The following ESRP1 variants were observed in gnomAD, a reference collection of about 807,000 sequenced individuals.
ESRP1 encodes RNA-binding motif protein 35A.
In ESRP1, 33 loss-of-function variants were observed where a neutral mutation model predicts 81.7. That is an observed-to-expected ratio of 0.40 (90% CI 0.31 to 0.54). ESRP1 has a LOEUF of 0.54. Among genes scored for constraint, ESRP1 ranks in the 20% least tolerant of loss-of-function variants. The probability of loss-of-function intolerance (pLI) is 0.41; values close to 1 mark genes in which losing one functional copy is unlikely to be tolerated. For missense variants in ESRP1, 672 were observed against 833.1 expected, an observed-to-expected ratio of 0.81 and a Z score of 2.38; for synonymous variants, 320 against 303.3, an observed-to-expected ratio of 1.06 and a Z score of -0.57.
rs1808730965 is a variant in ESRP1 at position 94,678,462 on chromosome 8, C to T, written c.1820+91C>T. ...GAGCTCACAAAAGAATATTGTCTGC[C>T]ATGTTGAAGGTTAGCGTGGCAGGCC... On this transcript the variant is annotated intron_variant, in intron 13 of 15. Coordinates refer to ENST00000433389, the MANE Select transcript of ESRP1 (RefSeq NM_017697.4). The T allele has an allele frequency of 6.2e-6, 9 of 1,456,220 alleles. No individual in the cohort carries two copies. In the South Asian group the frequency reaches 9.4e-5, roughly 15 times the overall value. The allele number at this position is 1,456,220 out of a possible 1,614,324, so 90.2% of individuals were successfully genotyped here.
chr8:94,653,500 G>A (rs1818252411), intron 4 of ESRP1, among the ~76,000 whole-genome samples: 1 of 152,280 alleles, frequency 6.6e-6, no homozygotes, highest in South Asian at 2.1e-4. Context: ...ACCCCACCAG[G>A]TTGTCGGGTG....
intron 12 of ESRP1, among the ~76,000 whole-genome samples, 192 bp from the exon 13 acceptor site, chr8:94,678,011 T>C (rs1055827592): frequency 3.9e-5 from 6 of 152,316 alleles, no homozygotes; most frequent in African/African-American, 1.4e-4. Flanking sequence ...GTTTTTTAGG[T>C]TGACAGGGTG....
At chr8:94,669,694 C>A (rs1819209880) in intron 10 of ESRP1, among the ~76,000 whole-genome samples, 3 of 151,778 alleles carry the variant, frequency 2.0e-5, no homozygotes, top group African/African-American at 7.3e-5. Context: ...GGTGAAACTC[C>A]ATCTCTGCTG....
chr8:94,698,915 G>C (rs775073932), intron 15 of ESRP1, among the ~76,000 whole-genome samples: 4 of 152,154 alleles, frequency 2.6e-5, no homozygotes, highest in Non-Finnish European at 5.9e-5. Flanking sequence ...TGAGGTTTCA[G>C]TATATCTTGG....
At chr8:94,704,547 C>G (rs1038722350) in intron 15 of ESRP1, among the ~76,000 whole-genome samples, 3 of 151,918 alleles carry the variant, frequency 2.0e-5, no homozygotes, top group Non-Finnish European at 2.9e-5. Flanking sequence ...GAGGATTGCT[C>G]GAGGCCTGGA....
In ESRP1 at chr8:94,696,853, ATGCAAC is replaced by A; in HGVS notation, c.1974_1979del (p.Ala659_Thr660del). 1 of 1,580,800 alleles carries A rather than the reference ATGCAAC, an allele frequency of 6.3e-7. No homozygotes were observed. The highest frequency in any genetic ancestry group is 1.2e-5 in the South Asian group (1 of 84,894). ...TGTTTGTTTTAACTTGCATTTTAGT[ATGCAAC>A]CGAGGATGGACTTATACACACAAAT... On this transcript the variant is annotated inframe_deletion and splice_region_variant, in exon 15 of 16. Transcript: ENST00000433389.
intron 15 of ESRP1, among the ~76,000 whole-genome samples, chr8:94,701,714 G>A (rs1563553052): frequency 6.6e-6 from 1 of 152,084 alleles, no homozygotes; most frequent in Admixed American, 6.5e-5. Flanking sequence ...CCAAAGGGCT[G>A]GGATACCGGC....
chr8:94,672,550 TG>T (rs202245376), intron 11 of ESRP1, among the ~76,000 whole-genome samples: 1 of 150,940 alleles, frequency 6.6e-6, no homozygotes, highest in African/African-American at 2.5e-5. Context: ...TTTTTTTTTT[TG>T]AGACAGAGTC....
chr8:94,684,752 T>C (rs1209989680), intron 13 of ESRP1, among the ~76,000 whole-genome samples: 1 of 152,206 alleles, frequency 6.6e-6, no homozygotes, highest in Admixed American at 6.5e-5. Context: ...GCCTCTCTTT[T>C]TTAGTGAAAT....
At chr8:94,675,248 C>T (rs963063359) in intron 12 of ESRP1, among the ~76,000 whole-genome samples, 3 of 152,120 alleles carry the variant, frequency 2.0e-5, no homozygotes, top group Admixed American at 6.6e-5. Flanking sequence ...ACAATTTTTC[C>T]TTTAAATAAG....
intron 4 of ESRP1, among the ~76,000 whole-genome samples, chr8:94,647,975 T>G (rs1475754602): frequency 6.6e-6 from 1 of 152,106 alleles, no homozygotes. Flanking sequence ...AGAACCCATC[T>G]CTACAAAAAG....
chr8:94,641,792 G>T, intron 1 of ESRP1, 164 bp from the exon 2 acceptor site: 1 of 1,058,228 alleles, frequency 9.4e-7, no homozygotes, highest in Non-Finnish European at 1.3e-6. Flanking sequence ...GGGGTGGGGC[G>T]GGGGGCAGGA....
chr8:94,645,067 G>A (rs1475181261), intron 3 of ESRP1, among the ~76,000 whole-genome samples: 6 of 152,146 alleles, frequency 3.9e-5, no homozygotes, highest in Non-Finnish European at 5.9e-5. Context: ...TGTTGAACAT[G>A]TGAGTTATTG....
rs568503850 is a variant in ESRP1 at position 94,671,665 on chromosome 8, T to C, written c.1446T>C (p.Asn482=). 15 of 1,613,464 alleles carry C rather than the reference T, an allele frequency of 9.3e-6. No homozygotes were observed. The African/African-American group carries it at 1.9e-4, about 20-fold the overall frequency. The change falls in exon 11 of 16, where the codon AAT becomes AAC. Residue 482 remains asparagine, a synonymous_variant. Transcript: ENST00000433389. The part of the protein sequence containing the change: ...IRTHGVHMVL[N]HQGRPSGDAF... ...CTCATGGGGTTCACATGGTTTTGAA[T>C]CACCAGGTAAGAAAGATACTTAGTG...
At chr8:94,672,691 C>G (rs976124274) in intron 11 of ESRP1, among the ~76,000 whole-genome samples, 3 of 152,132 alleles carry the variant, frequency 2.0e-5, no homozygotes, top group Admixed American at 1.3e-4. Flanking sequence ...CACCACCATT[C>G]CCGGCTAATT....
chr8:94,697,173 G>C (rs1281335187), intron 15 of ESRP1, among the ~76,000 whole-genome samples: 1 of 152,144 alleles, frequency 6.6e-6, no homozygotes. Context: ...GTTTGTTACT[G>C]TGGGGCAAGG....
At chr8:94,658,428 G>T (rs1483020016) in intron 4 of ESRP1, among the ~76,000 whole-genome samples, 7 of 152,222 alleles carry the variant, frequency 4.6e-5, no homozygotes, top group African/African-American at 1.4e-4. Flanking sequence ...TGTTACAACA[G>T]TCGAGAAAAT....
intron 2 of ESRP1, 21 bp from the exon 3 acceptor site, chr8:94,643,282 A>G (rs763108442): frequency 3.2e-5 from 48 of 1,482,994 alleles, no homozygotes; most frequent in Non-Finnish European, 4.2e-5. Context: ...TTGCATCCCT[A>G]TGTGTATCTT....
Position 94,671,433 on chromosome 8 carries a change from C to G in ESRP1, c.1234-20C>G. 6.2e-7 allele frequency: 1 copy of G among 1,601,426 alleles called. No individual in the cohort carries two copies. The highest frequency in any genetic ancestry group is 8.5e-7 in the Non-Finnish European group (1 of 1,172,222). ...GGAGTAGCACAGCTCTAAATTACTT[C>G]TGTTTTGCTTTGAGTACAGGTGCTG... On this transcript the variant is annotated intron_variant, in intron 10 of 15. Coordinates refer to ENST00000433389, the MANE Select transcript of ESRP1 (RefSeq NM_017697.4).
Sources: allele counts gnomAD v4.1 joint callset (sites outside exome capture counted in the v4.1 genomes callset), GRCh38; gene constraint gnomAD v4.1.1; transcripts MANE v1.5; gene names NCBI Gene and HGNC (gene_info 2026-07-23, HGNC 2026-07-21).